PARP8: variants seen among roughly 807,000 people sequenced by gnomAD.
PARP8 encodes the protein poly(ADP-ribose) polymerase family member 8, also known as protein mono-ADP-ribosyltransferase PARP8.
Under a neutral mutation model 124.1 loss-of-function variants are expected in PARP8, and 51 were observed. That is an observed-to-expected ratio of 0.41 (90% CI 0.33 to 0.52). The LOEUF (loss-of-function observed/expected upper bound fraction) is 0.52. Ranked by LOEUF, PARP8 falls within the 20% of genes least tolerant of loss-of-function variation. The pLI, the probability that PARP8 is intolerant of heterozygous loss-of-function variation, is 0.21. For missense variants in PARP8, 860 were observed against 1,018.9 expected (o/e 0.84, Z 2.12); for synonymous variants, 391 against 361.5 (o/e 1.08, Z -0.93).
chr5:50,715,388 A>T (rs536296541), intron 2 of PARP8, among the ~76,000 whole-genome samples: 15 of 152,174 alleles, frequency 9.9e-5, no homozygotes, highest in African/African-American at 3.6e-4. Context: ...TAACCGTTCT[A>T]GGAATTTATT....
intron 18 of PARP8, among the ~76,000 whole-genome samples, chr5:50,826,133 A>G (rs1339568037): frequency 6.6e-6 from 1 of 151,876 alleles, no homozygotes; most frequent in Non-Finnish European, 1.5e-5. Context: ...AATTCTTGTG[A>G]TCATTTCCTT....
rs199611800 is a variant in PARP8, at chr5:50,832,769, C to T, written c.2234-12C>T. ...CTTTGTCCCTAAATTATTATTTTGCCGATGTTTTCAGGGATGAACAAGAAA... is the reference window on the plus strand; with the variant it reads ...CTTTGTCCCTAAATTATTATTTTGCTGATGTTTTCAGGGATGAACAAGAAA... On this transcript the variant is annotated splice_polypyrimidine_tract_variant and intron_variant, in intron 22 of 25. Coordinates refer to ENST00000281631, the MANE Select transcript of PARP8 (RefSeq NM_024615.4). The T allele has an allele frequency of 5.3e-5, 85 of 1,612,592 alleles. 1 individual carries two copies. The Middle Eastern group carries it at 6.6e-4, about 13-fold the overall frequency.
At chr5:50,699,185 G>T (rs1753336055) in intron 2 of PARP8, among the ~76,000 whole-genome samples, 1 of 152,076 alleles carries the variant, frequency 6.6e-6, no homozygotes, top group Non-Finnish European at 1.5e-5. Context: ...CTATAACATG[G>T]CCTTATATAG....
chr5:50,774,015 T>C (rs1580292393), intron 7 of PARP8, among the ~76,000 whole-genome samples: 1 of 152,094 alleles, frequency 6.6e-6, no homozygotes, highest in African/African-American at 2.4e-5. Flanking sequence ...CCCTGGGTAC[T>C]TGAGATTAGG....
At chr5:50,696,603 C>G (rs1414557034) in intron 2 of PARP8, among the ~76,000 whole-genome samples, 1 of 152,156 alleles carries the variant, frequency 6.6e-6, no homozygotes, top group African/African-American at 2.4e-5. Context: ...GATATCTGTC[C>G]TTTGTCCTTA....
At chr5:50,827,446 G>A (rs1746471358) in intron 19 of PARP8, among the ~76,000 whole-genome samples, 1 of 152,036 alleles carries the variant, frequency 6.6e-6, no homozygotes, top group Admixed American at 6.6e-5. Flanking sequence ...CCAAGGAGGA[G>A]ACTATATTTG....
At chr5:50,818,918 G>A (rs1726329820) in intron 15 of PARP8, among the ~76,000 whole-genome samples, 1 of 152,146 alleles carries the variant, frequency 6.6e-6, no homozygotes, top group Admixed American at 6.5e-5. Flanking sequence ...GGGGGGACTG[G>A]ACCCCTTCGA....
At chr5:50,688,174 A>G (rs1446670530) in intron 2 of PARP8, among the ~76,000 whole-genome samples, 2 of 152,204 alleles carry the variant, frequency 1.3e-5, no homozygotes, top group African/African-American at 2.4e-5. Context: ...AGAAATAGAT[A>G]TTGGTACAAT....
intron 2 of PARP8, among the ~76,000 whole-genome samples, chr5:50,671,966 G>A (rs978001267): frequency 6.6e-6 from 1 of 152,090 alleles, no homozygotes; most frequent in Non-Finnish European, 1.5e-5. Context: ...TTTGTTTCAG[G>A]AGCTTCCGTC....
At chr5:50,830,572 TA>T (rs1746842556) in intron 22 of PARP8, among the ~76,000 whole-genome samples, 1 of 152,220 alleles carries the variant, frequency 6.6e-6, no homozygotes, top group Non-Finnish European at 1.5e-5. Context: ...TCTTTGCACT[TA>T]AAAAATTTTT....
rs1748295832 is a variant in PARP8, at chr5:50,842,666, T to C, written c.*598T>C. 6.6e-6 allele frequency: 1 copy of C among 151,786 alleles called. No homozygotes were observed. The highest frequency in any genetic ancestry group is 2.4e-5 in the African/African-American group (1 of 41,402). 9.4% of individuals were successfully genotyped at this position (151,786 alleles called of 1,614,324 possible). On this transcript the variant is annotated 3_prime_UTR_variant, in exon 26 of 26. Transcript: ENST00000281631. The stretch of plus-strand genomic sequence containing the variant: ...GCATCAAAATGTGTGGTTGTGAATA[T>C]ATTTGTGTATATTCACACGTATGTT...
At chr5:50,706,388 G>C (rs1017892634) in intron 2 of PARP8, among the ~76,000 whole-genome samples, 29 of 151,928 alleles carry the variant, frequency 1.9e-4, no homozygotes, top group African/African-American at 6.3e-4. Context: ...TTCATGTCTG[G>C]TATCAATTTT....
chr5:50,822,673 G>A (rs1177838559), intron 17 of PARP8, among the ~76,000 whole-genome samples: 1 of 152,148 alleles, frequency 6.6e-6, no homozygotes, highest in Non-Finnish European at 1.5e-5. Context: ...ATATTTTAAG[G>A]CAAAGGTTAA....
intron 14 of PARP8, among the ~76,000 whole-genome samples, chr5:50,808,002 G>A (rs996814185): frequency 6.6e-6 from 1 of 151,882 alleles, no homozygotes; most frequent in African/African-American, 2.4e-5. Context: ...AGAAACCTGA[G>A]AATCTATATT....
intron 14 of PARP8, among the ~76,000 whole-genome samples, chr5:50,798,915 G>A (rs1268564714): frequency 1.3e-5 from 2 of 152,046 alleles, no homozygotes; most frequent in Non-Finnish European, 2.9e-5. Context: ...TTTAAATTGG[G>A]TTATTTGTAT....
rs1367741792 is a variant in PARP8 at position 50,795,013 on chromosome 5, C to T, written c.1024C>T (p.Arg342Cys). 23 of 1,614,154 alleles carry T rather than the reference C, an allele frequency of 1.4e-5. No homozygotes were observed. The highest frequency in any genetic ancestry group is 2.2e-5 in the South Asian group (2 of 91,084). ...CVTKSHRTFG[R>C]SLSSDPRAEQ... ...CACAAAGTCACACAGGACCTTTGGC[C>T]GCTCCTTGTCCAGCGATCCCAGGGC... The change falls in exon 12 of 26, where the codon CGC becomes TGC. Residue 342 changes from arginine to cysteine, a missense_variant. Around this residue, in one of 2 missense-constraint regions of PARP8, gnomAD observed 517 missense variants for 544.2 expected, o/e 0.95. Coordinates refer to ENST00000281631, the MANE Select transcript of PARP8 (RefSeq NM_024615.4).
chr5:50,832,641 G>T, intron 22 of PARP8, 140 bp from the exon 23 acceptor site: 1 of 703,904 alleles, frequency 1.4e-6, no homozygotes, highest in Non-Finnish European at 2.3e-6. Flanking sequence ...AGGGGCTAAG[G>T]GCACAGCCCT....
chr5:50,692,241 G>A (rs1001576520), intron 2 of PARP8, among the ~76,000 whole-genome samples: 7 of 152,004 alleles, frequency 4.6e-5, no homozygotes, highest in Non-Finnish European at 1.0e-4. Context: ...TTCGTGATCT[G>A]GCATCTCTTG....
chr5:50,822,740 A>C (rs1745901517), intron 17 of PARP8, among the ~76,000 whole-genome samples: 1 of 152,218 alleles, frequency 6.6e-6, no homozygotes, highest in African/African-American at 2.4e-5. Flanking sequence ...ATTTCAAAAC[A>C]TTATTTGAGT....
Sources: gnomAD v4.1 joint callset for allele counts (sites outside exome capture counted in the v4.1 genomes callset) on GRCh38, gnomAD v4.1.1 for gene constraint, gnomAD v4.1.1 regional missense constraint, MANE v1.5 for transcripts, NCBI Gene and HGNC (gene_info 2026-07-23, HGNC 2026-07-21) for gene names.